KLHL6: variants seen among roughly 807,000 people sequenced by gnomAD.
KLHL6 encodes kelch-like protein 6.
Under a neutral mutation model 58.6 loss-of-function variants are expected in KLHL6, and 41 were observed. That is an observed-to-expected ratio of 0.70 (90% CI 0.55 to 0.91). The LOEUF is 0.91. KLHL6 is among the 40% of genes least tolerant of loss of function. KLHL6 has a pLI of 0.00. For synonymous variants in KLHL6, 338 were observed against 322.7 expected, an observed-to-expected ratio of 1.05 and a Z score of -0.51; for missense variants, 714 against 805.6, an observed-to-expected ratio of 0.89 and a Z score of 1.38.
chr3:183,532,963 G>A (rs113711264), intron 1 of KLHL6, among the ~76,000 whole-genome samples: 2,669 of 152,318 alleles, frequency 0.018, 69 homozygotes, highest in African/African-American at 0.061. Flanking sequence ...TTGTGACAAT[G>A]TCAAAGCCTT....
chr3:183,537,875 T>G (rs1185651382), intron 1 of KLHL6, among the ~76,000 whole-genome samples: 1 of 152,166 alleles, frequency 6.6e-6, no homozygotes, highest in African/African-American at 2.4e-5. Context: ...ATCTATTTGT[T>G]AATTATTGTC....
intron 2 of KLHL6, among the ~76,000 whole-genome samples, chr3:183,517,677 G>A (rs1711610302): frequency 6.6e-6 from 1 of 152,214 alleles, no homozygotes; most frequent in South Asian, 2.1e-4. Context: ...CAGCCCCTGA[G>A]TTTCCAGAGA....
At position 183,492,063 on chromosome 3, in the gene KLHL6, A is replaced by G; in HGVS notation, c.1730T>C (p.Leu577Pro). ...DEKNEVIATV[L>P]CWDPEAQKLT... Reference sequence around the variant, plus strand: ...TTTCTGGGCCTCGGGGTCCCAGCACAGCACCGTGGCGATAACCTCGTTCTT... The same window carrying G: ...TTTCTGGGCCTCGGGGTCCCAGCACGGCACCGTGGCGATAACCTCGTTCTT... Residue 577 changes from leucine (L) to proline (P), a missense_variant, in exon 7 of 7, where the codon CTG becomes CCG. Leu to Pro is a moderately conservative substitution (Grantham distance 98). Coordinates refer to ENST00000341319, the MANE Select transcript of KLHL6 (RefSeq NM_130446.4). This position sits in a 1 kb window ranked among gnomAD's most constrained non-coding sequence, Gnocchi z 5.9. The G allele has an allele frequency of 6.2e-7, 1 of 1,614,002 alleles. No individual in the cohort carries two copies. The highest frequency in any genetic ancestry group is 8.5e-7 in the Non-Finnish European group (1 of 1,180,004).
chr3:183,533,829 C>T (rs982658484), intron 1 of KLHL6, among the ~76,000 whole-genome samples: 2 of 151,938 alleles, frequency 1.3e-5, no homozygotes, highest in South Asian at 2.1e-4. Context: ...ACCCTCCTAA[C>T]CTTTCCTTCC....
chr3:183,491,919 T>A lies in KLHL6; in HGVS notation c.*8A>T. ...GTCGGGGGGGCTCTCCAGCTCCCCA[T>A]CCTGCCGTCAGACAGACACTGCTCC... On this transcript the variant is annotated 3_prime_UTR_variant, in exon 7 of 7. Coordinates refer to ENST00000341319, the MANE Select transcript of KLHL6 (RefSeq NM_130446.4). 5 of 1,468,114 alleles carry A rather than the reference T, an allele frequency of 3.4e-6. No individual in the cohort carries two copies. The highest frequency in any genetic ancestry group is 3.6e-6 in the Non-Finnish European group (4 of 1,105,526). 90.9% of individuals were successfully genotyped at this position (1,468,114 alleles called of 1,614,324 possible).
intron 2 of KLHL6, chr3:183,521,660 A>T (rs1711764289): frequency 1.3e-5 from 2 of 149,806 alleles, no homozygotes; most frequent in African/African-American, 4.9e-5. Flanking sequence ...TATGCCCCTC[A>T]TCTATACATT....
intron 2 of KLHL6, chr3:183,522,471 A>C (rs904878218): frequency 4.6e-5 from 7 of 152,234 alleles, no homozygotes; most frequent in Admixed American, 1.3e-4. Flanking sequence ...GGAGTGCATC[A>C]AATAGTCAAC....
intron 2 of KLHL6, among the ~76,000 whole-genome samples, chr3:183,510,995 A>G (rs1718168019): frequency 6.6e-6 from 1 of 152,214 alleles, no homozygotes; most frequent in Non-Finnish European, 1.5e-5. Context: ...GAAAAGAAAT[A>G]AGACACAGAG....
At chr3:183,516,663 T>C (rs1711574346) in intron 2 of KLHL6, among the ~76,000 whole-genome samples, 1 of 152,234 alleles carries the variant, frequency 6.6e-6, no homozygotes, top group South Asian at 2.1e-4. Flanking sequence ...CTAGGGGACT[T>C]CACCCATGTG....
chr3:183,533,955 C>T (rs1185297401), intron 1 of KLHL6, among the ~76,000 whole-genome samples: 1 of 151,650 alleles, frequency 6.6e-6, no homozygotes, highest in Non-Finnish European at 1.5e-5. Context: ...AATCCCCGCC[C>T]AGAGCTGGGG....
At position 183,492,151 on chromosome 3, in the gene KLHL6, G is replaced by A. The variant is rs1430703408; in HGVS notation, c.1642C>T (p.Arg548Trp). 6.2e-7 allele frequency: 1 copy of A among 1,613,472 alleles called. No homozygotes were observed. Among genetic ancestry groups the A allele is most frequent in the Non-Finnish European group, 8.5e-7 (1 of 1,179,972 alleles). ...CAGGGCGCGATACCGCAGCTGGCCC[G>A]CTCGTGGCTGAGCTGGGTCACCAGG... ...WCLVTQLSHE[R>W]ASCGIAPCNN... The change falls in exon 7 of 7, where the codon CGG (arginine) becomes TGG (tryptophan). Residue 548 changes from arginine (R) to tryptophan (W), a missense_variant. Physicochemically the swap from Arg to Trp is moderately radical, Grantham distance 101. This residue lies in a region of KLHL6 where 510 missense variants were observed against 629.7 expected (regional missense o/e 0.81). Coordinates refer to ENST00000341319, the MANE Select transcript of KLHL6 (RefSeq NM_130446.4). The surrounding 1 kb of genome is among the most constrained non-coding windows in gnomAD (Gnocchi z 5.9).
rs1228390110 is a variant in KLHL6 at position 183,492,003 on chromosome 3, G to A, written c.1790C>T (p.Ser597Leu). 1.2e-6 allele frequency: 2 copies of A among 1,600,886 alleles called. No homozygotes were observed. The highest frequency in any genetic ancestry group is 1.7e-6 in the Non-Finnish European group (2 of 1,171,170). ...CCTGATGGTGACGCTGCCGTGGTGC[G>A]ACACGCCCCGGGGCAGGACGCACTC... The part of the protein sequence containing the change: ...TEECVLPRGV[S>L]HHGSVTIRKS... The change falls in exon 7 of 7, where the codon TCG becomes TTG. Residue 597 changes from serine (S) to leucine (L), a missense_variant. Transcript: ENST00000341319. The surrounding 1 kb of genome is among the most constrained non-coding windows in gnomAD (Gnocchi z 5.9).
rs999220930 is a variant in KLHL6, at chr3:183,492,855, A to T, written c.1351-148T>A. Reference sequence around the variant, plus strand: ...AAGGCCCATGGGCTTGACTCCTCTTAAGACACAGCAAGAATGAAAGCATGC... The same window carrying T: ...AAGGCCCATGGGCTTGACTCCTCTTTAGACACAGCAAGAATGAAAGCATGC... On this transcript the variant is annotated intron_variant, in intron 5 of 6. Transcript: ENST00000341319. The surrounding 1 kb of genome is among the most constrained non-coding windows in gnomAD (Gnocchi z 5.9). 5.8e-5 allele frequency: 37 copies of T among 638,980 alleles called. No individual in the cohort carries two copies. The highest frequency in any genetic ancestry group is 1.0e-4 in the Non-Finnish European group (37 of 371,172). The allele number at this position is 638,980 out of a possible 1,614,324, so 39.6% of individuals were successfully genotyped here.
Position 183,499,716 on chromosome 3 carries a change from C to A in KLHL6, c.1021G>T (p.Asp341Tyr). Reference sequence around the variant, plus strand: ...TCCAGGCGGCTGCGCCTCAGGGGGTCCAGGCAGGTCACCTCTGCCACAAAC... The same window carrying A: ...TCCAGGCGGCTGCGCCTCAGGGGGTACAGGCAGGTCACCTCTGCCACAAAC... ...ERFVAEVTCL[D>Y]PLRRSRLEVA... The change falls in exon 4 of 7, where the codon GAC becomes TAC. Residue 341 changes from aspartate to tyrosine, a missense_variant. By Grantham distance (160) the Asp-to-Tyr change is radical. Transcript: ENST00000341319. This position sits in a 1 kb window ranked among gnomAD's most constrained non-coding sequence, Gnocchi z 4.6. 6.2e-7 allele frequency: 1 copy of A among 1,611,420 alleles called. No individual in the cohort carries two copies. Among genetic ancestry groups the A allele is most frequent in the Non-Finnish European group, 8.5e-7 (1 of 1,178,974 alleles).
chr3:183,528,157 C>T (rs1241463493), intron 1 of KLHL6, 147 bp from the exon 2 acceptor site: 2 of 793,510 alleles, frequency 2.5e-6, no homozygotes, highest in East Asian at 5.1e-5. Flanking sequence ...TTCTCCAGCA[C>T]CCCCTACGCA....
At chr3:183,553,883 C>T (rs775452765) in intron 1 of KLHL6, among the ~76,000 whole-genome samples, 4 of 151,990 alleles carry the variant, frequency 2.6e-5, no homozygotes, top group Non-Finnish European at 5.9e-5. Flanking sequence ...CAGATATCCC[C>T]TTGTCTTATC....
chr3:183,523,979 T>C lies in KLHL6; in HGVS notation c.459+3866A>G, dbSNP rs577558423. Among the ~76,000 whole-genome samples the C allele has an allele frequency of 1.5e-4, 23 of 152,228 alleles. No individual in the cohort carries two copies. The South Asian group carries it at 4.6e-3, about 30-fold the overall frequency. On this transcript the variant is annotated intron_variant, in intron 2 of 6. Coordinates refer to ENST00000341319, the MANE Select transcript of KLHL6 (RefSeq NM_130446.4). ...TTTCATCATGTTGGCCAGGCTGGTC[T>C]GGAACTCCTGACATCAGGTGATGCA...
intron 1 of KLHL6, among the ~76,000 whole-genome samples, chr3:183,547,727 T>C (rs1346294805): frequency 6.6e-6 from 1 of 152,210 alleles, no homozygotes; most frequent in Non-Finnish European, 1.5e-5. Context: ...GGCACTTTGC[T>C]GGATTCTTTT....
At chr3:183,513,089 C>T (rs535077027) in intron 2 of KLHL6, among the ~76,000 whole-genome samples, 2 of 152,214 alleles carry the variant, frequency 1.3e-5, no homozygotes, top group South Asian at 4.1e-4. Context: ...CTTTACTATA[C>T]TGAGCATGAA....
Sources: gnomAD v4.1 joint callset for allele counts (sites outside exome capture counted in the v4.1 genomes callset) on GRCh38, gnomAD v4.1.1 for gene constraint, gnomAD v4.1.1 regional missense constraint, Gnocchi (gnomAD v3.1) non-coding constraint, MANE v1.5 for transcripts, NCBI Gene and HGNC (gene_info 2026-07-23, HGNC 2026-07-21) for gene names.